Variants in PHC1 observed in about 807,000 individuals in gnomAD.
The protein encoded by PHC1 is polyhomeotic homolog 1, also known as polyhomeotic-like protein 1.
A neutral mutation model predicts 104.3 loss-of-function variants in PHC1; 12 were observed. The ratio of observed to expected loss-of-function variants is 0.12; its 90% CI spans 0.07 to 0.19. The LOEUF (loss-of-function observed/expected upper bound fraction) is 0.19. Ranked by LOEUF, PHC1 falls within the 10% of genes least tolerant of loss-of-function variation. PHC1 has a pLI of 1.00. For synonymous variants in PHC1, 302 were observed against 455.8 expected (o/e 0.66, Z 4.30); for missense variants, 671 against 1,200.0 (o/e 0.56, Z 6.51).
intron 6 of PHC1, among the ~76,000 whole-genome samples, chr12:8,928,577 CTA>C (rs1267131584): frequency 6.6e-6 from 1 of 152,102 alleles, no homozygotes; most frequent in Non-Finnish European, 1.5e-5. Context: ...TTGCATCTCT[CTA>C]TGTTTCTAAA....
At chr12:8,927,741 T>C (rs1945556703) in intron 6 of PHC1, among the ~76,000 whole-genome samples, 1 of 152,206 alleles carries the variant, frequency 6.6e-6, no homozygotes, top group South Asian at 2.1e-4. Context: ...TAATATTATG[T>C]GCTCTAGCAC....
At chr12:8,933,527 T>G in intron 8 of PHC1, 177 bp downstream of exon 8, 1 of 900,332 alleles carries the variant, frequency 1.1e-6, no homozygotes, top group Non-Finnish European at 1.6e-6. Flanking sequence ...TTTATACTCC[T>G]AAATTTGTTG....
chr12:8,921,724 C>G lies in PHC1; in HGVS notation c.430C>G (p.Gln144Glu). The G allele has an allele frequency of 6.2e-7, 1 of 1,612,088 alleles. No individual in the cohort carries two copies. The highest frequency in any genetic ancestry group is 1.3e-5 in the African/African-American group (1 of 74,972). The change falls in exon 5 of 15, where the codon CAG becomes GAG. Residue 144 changes from glutamine (Q) to glutamate (E), a missense_variant. Gln to Glu is a conservative substitution (Grantham distance 29). Transcript: ENST00000544916. The part of the protein sequence containing the change: ...LGNTTSPPLN[Q>E]SQAQMYLRPQ... Reference sequence around the variant, plus strand: ...GAACACCACCTCCCCACCCCTCAACCAGTCTCAGGCCCAGATGTATCTACG... The same window carrying G: ...GAACACCACCTCCCCACCCCTCAACGAGTCTCAGGCCCAGATGTATCTACG...
intron 7 of PHC1, among the ~76,000 whole-genome samples, chr12:8,932,309 T>G (rs1945708809): frequency 6.6e-6 from 1 of 152,196 alleles, no homozygotes; most frequent in South Asian, 2.1e-4. Flanking sequence ...AAGAAATTAC[T>G]CAGGATCTGA....
intron 4 of PHC1, 54 bp downstream of exon 4, chr12:8,921,119 G>T: frequency 7.5e-7 from 1 of 1,337,650 alleles, no homozygotes. Context: ...TTTGTCTCTG[G>T]GTTAAATTAC....
intron 3 of PHC1, 92 bp from the exon 4 acceptor site, chr12:8,920,893 C>T: frequency 1.2e-6 from 1 of 820,474 alleles, no homozygotes; most frequent in Non-Finnish European, 2.0e-6. Flanking sequence ...TGTGAAATCT[C>T]TATGTTTTGT....
rs755956857 is a variant in PHC1, at chr12:8,933,986, T to C, written c.2015T>C (p.Val672Ala). Residue 672 changes from valine (V) to alanine (A), a missense_variant, in exon 9 of 15, where the codon GTC becomes GCC. By Grantham distance (64) the Val-to-Ala change is moderately conservative (BLOSUM62 0). Around this residue, in one of 9 missense-constraint regions of PHC1, gnomAD observed 95 missense variants for 108.8 expected, o/e 0.87. Coordinates refer to ENST00000544916, the MANE Select transcript of PHC1 (RefSeq NM_004426.3). ...KASPVAESPKVMDEKSSLGEK... is the reference protein window; with the variant it reads ...KASPVAESPKAMDEKSSLGEK... ...TCTCCAGTAGCAGAAAGCCCAAAAGTCATGGACGAGAAGAGCAGTCTTGGA... is the reference window on the plus strand; with the variant it reads ...TCTCCAGTAGCAGAAAGCCCAAAAGCCATGGACGAGAAGAGCAGTCTTGGA... 1.9e-6 allele frequency: 3 copies of C among 1,614,130 alleles called. No individual in the cohort carries two copies. Among genetic ancestry groups the C allele is most frequent in the Non-Finnish European group, 2.5e-6 (3 of 1,179,982 alleles).
chr12:8,933,393 G>T, intron 8 of PHC1, 43 bp downstream of exon 8: 1 of 1,496,894 alleles, frequency 6.7e-7, no homozygotes, highest in Non-Finnish European at 9.0e-7. Context: ...TTATGCATGA[G>T]AGTGGACCTG....
intron 2 of PHC1, among the ~76,000 whole-genome samples, chr12:8,918,400 C>T (rs1945260595): frequency 6.6e-6 from 1 of 152,126 alleles, no homozygotes. Flanking sequence ...TCTTTAGAAG[C>T]CACTATTTAT....
intron 11 of PHC1, 125 bp from the exon 12 acceptor site, chr12:8,936,731 C>T (rs1490536234): frequency 4.5e-6 from 3 of 663,548 alleles, no homozygotes; most frequent in Non-Finnish European, 8.1e-6. Context: ...GGATTCTCAA[C>T]TAGGTTGTGT....
intron 7 of PHC1, among the ~76,000 whole-genome samples, chr12:8,932,329 G>A (rs1254630487): frequency 3.3e-5 from 5 of 152,172 alleles, no homozygotes; most frequent in Non-Finnish European, 7.4e-5. Context: ...AAATGACTGA[G>A]CAAGGGAGTT....
intron 6 of PHC1, among the ~76,000 whole-genome samples, chr12:8,927,359 G>A (rs867617045): frequency 2.0e-5 from 3 of 152,202 alleles, no homozygotes; most frequent in Middle Eastern, 3.4e-3. Context: ...ACTGGGGAGG[G>A]GAATGTGCAG....
intron 10 of PHC1, among the ~76,000 whole-genome samples, chr12:8,934,802 C>T (rs1051588648): frequency 1.1e-4 from 17 of 152,024 alleles, no homozygotes; most frequent in Non-Finnish European, 1.8e-4. Flanking sequence ...AGGACTAGAA[C>T]TGAGGTGTCT....
chr12:8,931,966 G>T (rs1226813024), intron 7 of PHC1, among the ~76,000 whole-genome samples: 1 of 152,178 alleles, frequency 6.6e-6, no homozygotes, highest in Non-Finnish European at 1.5e-5. Context: ...GTCACTCCCA[G>T]TTTACAGTGG....
At chr12:8,933,436 G>A in intron 8 of PHC1, 86 bp downstream of exon 8, 2 of 1,401,934 alleles carry the variant, frequency 1.4e-6, no homozygotes, top group Non-Finnish European at 1.9e-6. Flanking sequence ...ATTGAATAGG[G>A]GAATAAAGAG....
intron 12 of PHC1, 73 bp downstream of exon 12, chr12:8,937,037 C>A: frequency 7.3e-7 from 1 of 1,368,694 alleles, no homozygotes; most frequent in East Asian, 2.3e-5. Context: ...TCCCCAGGAT[C>A]GTCTCATAGC....
intron 6 of PHC1, among the ~76,000 whole-genome samples, chr12:8,924,822 A>G (rs1397170363): frequency 6.6e-6 from 1 of 152,190 alleles, no homozygotes; most frequent in Non-Finnish European, 1.5e-5. Flanking sequence ...TAGCTATTGA[A>G]CAGCAGATTA....
intron 6 of PHC1, among the ~76,000 whole-genome samples, chr12:8,923,878 TAAC>T (rs1945440013): frequency 7.7e-6 from 1 of 129,762 alleles, no homozygotes; most frequent in African/African-American, 2.8e-5. Context: ...CAATTAAAAA[TAAC>T]AATACAAGAA....
intron 6 of PHC1, among the ~76,000 whole-genome samples, chr12:8,928,053 G>A (rs1945579334): frequency 6.6e-6 from 1 of 151,556 alleles, no homozygotes; most frequent in Non-Finnish European, 1.5e-5. Context: ...TTACAGGCGC[G>A]TGCCACTATG....
Sources: allele counts gnomAD v4.1 joint callset (sites outside exome capture counted in the v4.1 genomes callset), GRCh38; gene constraint gnomAD v4.1.1; regional missense constraint gnomAD v4.1.1; transcripts MANE v1.5; gene names NCBI Gene and HGNC (gene_info 2026-07-23, HGNC 2026-07-21).